Variants in LRP1B observed in about 807,000 individuals in gnomAD.
The protein encoded by LRP1B is LDL receptor related protein 1B, also known as low-density lipoprotein receptor-related protein 1B.
In LRP1B, 217 loss-of-function variants were observed where a neutral mutation model predicts 556.6. The ratio of observed to expected loss-of-function variants is 0.39; its 90% confidence interval spans 0.35 to 0.44. The LOEUF is 0.44. Among genes scored for constraint, LRP1B ranks in the 20% least tolerant of loss-of-function variants. The pLI is 1.00. For synonymous variants in LRP1B, 2,047 were observed against 1,865.8 expected, an observed-to-expected ratio of 1.10 and a Z score of -2.50; for missense variants, 5,053 against 5,620.8, an observed-to-expected ratio of 0.90 and a Z score of 3.23.
intron 1 of LRP1B, among the ~76,000 whole-genome samples, chr2:141,859,173 A>G (rs1574435893): frequency 6.6e-6 from 1 of 152,144 alleles, no homozygotes; most frequent in Admixed American, 6.6e-5. Context: ...CCCTCATACA[A>G]TTGTTTTGTC....
At chr2:141,417,012 T>C (rs1691133128) in intron 3 of LRP1B, among the ~76,000 whole-genome samples, 1 of 152,212 alleles carries the variant, frequency 6.6e-6, no homozygotes, top group Non-Finnish European at 1.5e-5. Flanking sequence ...TTACAAAGAA[T>C]AACACTAAAT....
chr2:141,216,321 T>G (rs1682810494), intron 6 of LRP1B, among the ~76,000 whole-genome samples: 1 of 152,196 alleles, frequency 6.6e-6, no homozygotes, highest in Non-Finnish European at 1.5e-5. Flanking sequence ...GCAGAGAGTA[T>G]AAGAGTGGTG....
intron 2 of LRP1B, among the ~76,000 whole-genome samples, chr2:141,662,426 C>G (rs540313883): frequency 1.3e-5 from 2 of 151,978 alleles, no homozygotes; most frequent in African/African-American, 2.4e-5. Context: ...GTGCTGTGTC[C>G]AAGAGACCCA....
chr2:141,800,911 T>C (rs186976677), intron 2 of LRP1B, among the ~76,000 whole-genome samples: 1 of 152,336 alleles, frequency 6.6e-6, no homozygotes, highest in Admixed American at 6.5e-5. Context: ...AAAGCATTTA[T>C]ATATTACGAG....
chr2:141,328,925 A>G (rs1687529695), intron 3 of LRP1B, among the ~76,000 whole-genome samples: 1 of 152,144 alleles, frequency 6.6e-6, no homozygotes, highest in South Asian at 2.1e-4. Context: ...TCTCCATTAC[A>G]TATTAACTGG....
intron 79 of LRP1B, among the ~76,000 whole-genome samples, chr2:140,333,560 A>G (rs947691540): frequency 2.0e-5 from 3 of 152,140 alleles, no homozygotes; most frequent in African/African-American, 4.8e-5. Context: ...ATGGAAAGGT[A>G]TAAAACACAT....
At chr2:142,030,830 TCTAA>T (rs1014600837) in intron 1 of LRP1B, among the ~76,000 whole-genome samples, 3 of 151,992 alleles carry the variant, frequency 2.0e-5, no homozygotes, top group East Asian at 1.9e-4. Flanking sequence ...GGCTGGTTGT[TCTAA>T]CTGTTTAGTA....
At chr2:141,996,120 C>T (rs565506072) in intron 1 of LRP1B, among the ~76,000 whole-genome samples, 29 of 150,992 alleles carry the variant, frequency 1.9e-4, no homozygotes, top group African/African-American at 6.8e-4. Flanking sequence ...GGCATGGTGG[C>T]GGGCGCCTGC....
chr2:141,509,581 C>A lies in LRP1B; in HGVS notation c.206-29048G>T, dbSNP rs534594374. On this transcript the variant is annotated intron_variant, in intron 2 of 90. Transcript: ENST00000389484. Reference sequence around the variant, plus strand: ...ACTAGAGCTCAAACAAACAAACAAACAAACAAAATGCCTTCCAAGTCAAAC... The same window carrying A: ...ACTAGAGCTCAAACAAACAAACAAAAAAACAAAATGCCTTCCAAGTCAAAC... 3.3e-3 allele frequency among the ~76,000 whole-genome samples: 440 copies of A among 133,968 alleles called. 5 individuals are homozygous for A. Among genetic ancestry groups the A allele is most frequent in the African/African-American group, 9.8e-3 (351 of 35,982 alleles). The allele number at this position is 133,968 out of a possible 152,430, so 87.9% of individuals were successfully genotyped here.
At chr2:142,126,907 A>G (rs1467557650) in intron 1 of LRP1B, among the ~76,000 whole-genome samples, 2 of 151,854 alleles carry the variant, frequency 1.3e-5, no homozygotes, top group Non-Finnish European at 3.0e-5. Context: ...CTGGGCTGAG[A>G]AAAGAAATTG....
At chr2:141,687,429 G>A (rs1187143523) in intron 2 of LRP1B, among the ~76,000 whole-genome samples, 1 of 152,014 alleles carries the variant, frequency 6.6e-6, no homozygotes, top group Non-Finnish European at 1.5e-5. Flanking sequence ...AAATTAATTA[G>A]CTACATTATT....
intron 75 of LRP1B, among the ~76,000 whole-genome samples, chr2:140,354,511 C>T (rs1038044296): frequency 2.0e-5 from 3 of 152,080 alleles, no homozygotes; most frequent in Non-Finnish European, 4.4e-5. Context: ...CTTGTCAGTA[C>T]TTAACCATCA....
intron 67 of LRP1B, among the ~76,000 whole-genome samples, chr2:140,385,319 A>C (rs1262073958): frequency 5.3e-5 from 8 of 152,132 alleles, no homozygotes; most frequent in African/African-American, 1.4e-4. Context: ...TAACTGCCAT[A>C]CTCTTCAGAA....
intron 1 of LRP1B, among the ~76,000 whole-genome samples, chr2:141,891,504 G>A (rs542328158): frequency 3.9e-5 from 6 of 151,954 alleles, no homozygotes; most frequent in East Asian, 1.9e-4. Flanking sequence ...GCATACCCAC[G>A]AATTAATAAA....
intron 3 of LRP1B, among the ~76,000 whole-genome samples, chr2:141,445,586 T>G (rs941964778): frequency 6.6e-6 from 1 of 152,354 alleles, no homozygotes; most frequent in Middle Eastern, 3.4e-3. Flanking sequence ...CTCTAAACAC[T>G]GTGTTAGCTG....
In LRP1B at chr2:140,630,648, G is replaced by A. The variant is rs140772941; in HGVS notation, c.6800-29009C>T. Among the ~76,000 whole-genome samples, 422 of 152,222 alleles carry A rather than the reference G, an allele frequency of 2.8e-3. 4 individuals carry two copies. Among genetic ancestry groups the A allele is most frequent in the African/African-American group, 9.6e-3 (399 of 41,528 alleles). Reference sequence around the variant, plus strand: ...GCTTTACTTCTAGGAACGTCACCACGTTCTCACAGTGAAGAATTAAGAAAA... The same window carrying A: ...GCTTTACTTCTAGGAACGTCACCACATTCTCACAGTGAAGAATTAAGAAAA... On this transcript the variant is annotated intron_variant, in intron 41 of 90. Coordinates refer to ENST00000389484, the MANE Select transcript of LRP1B (RefSeq NM_018557.3).
At chr2:142,018,071 G>A (rs890339048) in intron 1 of LRP1B, among the ~76,000 whole-genome samples, 10 of 151,430 alleles carry the variant, frequency 6.6e-5, no homozygotes, top group African/African-American at 1.7e-4. Context: ...ATAATTACGT[G>A]CTATAGGTAA....
rs147457260 is a variant in LRP1B, at chr2:141,281,604, T to C, written c.344-26963A>G. Among the ~76,000 whole-genome samples the C allele has an allele frequency of 3.2e-3, 490 of 152,148 alleles. 3 individuals carry two copies. Among genetic ancestry groups the C allele is most frequent in the African/African-American group, 0.011 (465 of 41,556 alleles). ...TAGTATCTCAAGCAGGTTTTTCAAA[T>C]AGTAGAGAGTCAGTATATTGTTAAA... On this transcript the variant is annotated intron_variant, in intron 3 of 90. Transcript: ENST00000389484.
At chr2:141,535,557 A>G (rs539811159) in intron 2 of LRP1B, among the ~76,000 whole-genome samples, 1 of 152,194 alleles carries the variant, frequency 6.6e-6, no homozygotes, top group African/African-American at 2.4e-5. Context: ...AAAAAGAAGT[A>G]AATTGGACTG....
Sources: gnomAD v4.1 joint callset for allele counts (sites outside exome capture counted in the v4.1 genomes callset) on GRCh38, gnomAD v4.1.1 for gene constraint, MANE v1.5 for transcripts, NCBI Gene and HGNC (gene_info 2026-07-23, HGNC 2026-07-21) for gene names.